ROS1: variants seen among roughly 807,000 people sequenced by gnomAD.
ROS1 encodes the protein ROS proto-oncogene 1, receptor tyrosine kinase.
ROS1 carries 263 observed loss-of-function variants against 273.5 expected under a neutral mutation model. The observed-to-expected ratio is 0.96, with a 90% CI of 0.87 to 1.06. The LOEUF (loss-of-function observed/expected upper bound fraction) is 1.06, where lower values mean the gene tolerates loss of function less well. ROS1 is among the 50% of genes least tolerant of loss of function. ROS1 has a pLI of 0.00. For missense variants in ROS1, 2,833 were observed against 2,751.1 expected, an observed-to-expected ratio of 1.03 and a Z score of -0.67; for synonymous variants, 1,008 against 954.1, an observed-to-expected ratio of 1.06 and a Z score of -1.04.
intron 4 of ROS1, 39 bp downstream of exon 4, chr6:117,414,480 T>A (rs761897014): frequency 1.3e-6 from 1 of 741,832 alleles, no homozygotes; most frequent in Non-Finnish European, 2.4e-6. Context: ...GATGAAGACA[T>A]GTGGCTTGAT....
intron 27 of ROS1, 57 bp from the exon 28 acceptor site, chr6:117,344,319 A>T (rs1270461346): frequency 1.6e-6 from 2 of 1,220,064 alleles, no homozygotes; most frequent in Non-Finnish European, 2.3e-6. Flanking sequence ...TGAGAGGAAA[A>T]GCAGATTTTT....
At chr6:117,421,528 G>A (rs1474673579) in intron 1 of ROS1, among the ~76,000 whole-genome samples, 1 of 151,848 alleles carries the variant, frequency 6.6e-6, no homozygotes, top group East Asian at 1.9e-4. Flanking sequence ...TTCTATTCCT[G>A]GCCAAATAAT....
At position 117,353,161 on chromosome 6, in the gene ROS1, T is replaced by A; in HGVS notation, c.4132A>T (p.Thr1378Ser). Reference sequence around the variant, plus strand: ...CCATCCACAGTTAAGCTAACAAGGGTTTTTCCTGCTGTTAAAAACATAAGG... The same window carrying A: ...CCATCCACAGTTAAGCTAACAAGGGATTTTCCTGCTGTTAAAAACATAAGG... ...VITVPAMLGK[T>S]LVSLTVDGDL... Residue 1378 changes from threonine to serine, a missense_variant, in exon 27 of 44, where the codon ACC becomes TCC. Coordinates refer to ENST00000368507, the MANE Select transcript of ROS1 (RefSeq NM_001378902.1). 1 of 1,601,848 alleles carries A rather than the reference T, an allele frequency of 6.2e-7. No individual in the cohort carries two copies. Among genetic ancestry groups the A allele is most frequent in the South Asian group, 1.1e-5 (1 of 88,260 alleles).
chr6:117,320,061 C>T lies in ROS1; in HGVS notation c.5760-31G>A, dbSNP rs778522157. On this transcript the variant is annotated intron_variant, in intron 36 of 43. Transcript: ENST00000368507. ...AAATAGCAACATTTTTGTCTCCCCACCCTCCACATATATAGGGTGTACAAG... is the reference window on the plus strand; with the variant it reads ...AAATAGCAACATTTTTGTCTCCCCATCCTCCACATATATAGGGTGTACAAG... 10 of 1,602,804 alleles carry T rather than the reference C, an allele frequency of 6.2e-6. No individual in the cohort carries two copies. In the South Asian group the frequency reaches 1.0e-4, roughly 16 times the overall value.
chr6:117,345,148 G>A (rs1778269801), intron 27 of ROS1, among the ~76,000 whole-genome samples: 1 of 152,194 alleles, frequency 6.6e-6, no homozygotes, highest in Non-Finnish European at 1.5e-5. Context: ...CGCATATCCA[G>A]TCTCTGCTAT....
intron 18 of ROS1, among the ~76,000 whole-genome samples, chr6:117,374,868 C>A (rs966115718): frequency 6.6e-6 from 1 of 152,194 alleles, no homozygotes; most frequent in African/African-American, 2.4e-5. Flanking sequence ...TAAACTAGTA[C>A]AACCACTATG....
intron 32 of ROS1, among the ~76,000 whole-genome samples, chr6:117,331,286 G>T (rs146939036): frequency 1.2e-4 from 19 of 152,112 alleles, no homozygotes; most frequent in African/African-American, 4.3e-4. Context: ...CTGACAAGAA[G>T]AGAGAAAAAA....
In ROS1 at chr6:117,341,448, G is replaced by A. The variant is rs1777914848; in HGVS notation, c.4836C>T (p.Leu1612=). The change falls in exon 30 of 44, where the codon CTC becomes CTT. Residue 1612 remains leucine, a synonymous_variant. Transcript: ENST00000368507. ...LRQSEFPNGR[L]TLLVTRLSGG... is the part of the protein sequence containing the mutation. ...CAGACAGTCTAGTAACAAGGAGAGT[G>A]AGCCTTCCATTTGGAAATTCACTTT... 3 of 1,613,892 alleles carry A rather than the reference G, an allele frequency of 1.9e-6. No homozygotes were observed. Among genetic ancestry groups the A allele is most frequent in the Non-Finnish European group, 2.5e-6 (3 of 1,179,834 alleles).
At chr6:117,301,703 G>T (rs1309748249) in intron 42 of ROS1, 1 of 152,190 alleles carries the variant, frequency 6.6e-6, no homozygotes, top group African/African-American at 2.4e-5. Context: ...CAATCATAAT[G>T]TATCAACACA....
rs1378760239 is a variant in ROS1, at chr6:117,394,719, C to A, written c.903G>T (p.Trp301Cys). ...SSSAVQQEEQ[W>C]LFLSRKTSLR... ...GAGAAGTTTTTCTGGATAAAAAGAGCCACTGTTCCTCTTGTTGAACTGAAA... is the reference window on the plus strand; with the variant it reads ...GAGAAGTTTTTCTGGATAAAAAGAGACACTGTTCCTCTTGTTGAACTGAAA... The change falls in exon 10 of 44, where the codon TGG (tryptophan) becomes TGT (cysteine). Residue 301 changes from tryptophan (W) to cysteine (C), a missense_variant. By Grantham distance (215) the Trp-to-Cys change is radical. Transcript: ENST00000368507. 1 of 1,609,612 alleles carries A rather than the reference C, an allele frequency of 6.2e-7. No homozygotes were observed. The highest frequency in any genetic ancestry group is 8.5e-7 in the Non-Finnish European group (1 of 1,178,052).
intron 39 of ROS1, among the ~76,000 whole-genome samples, chr6:117,315,386 A>G (rs1325331238): frequency 6.6e-6 from 1 of 152,172 alleles, no homozygotes; most frequent in Non-Finnish European, 1.5e-5. Flanking sequence ...GAAGGGAATG[A>G]TTAGCAAAGC....
rs2128521342 is a variant in ROS1, at chr6:117,288,776, T to A, written c.6742A>T (p.Asn2248Tyr). The A allele has an allele frequency of 6.2e-7, 1 of 1,603,762 alleles. No individual in the cohort carries two copies. The highest frequency in any genetic ancestry group is 8.5e-7 in the Non-Finnish European group (1 of 1,175,268). ...EGEDGDVICL[N>Y]SDDIMPVALM... ...GCAACTGGCATAATGTCATCTGAATTCAAACAAATCACATCGCCATCTTCA... is the reference window on the plus strand; with the variant it reads ...GCAACTGGCATAATGTCATCTGAATACAAACAAATCACATCGCCATCTTCA... Residue 2248 changes from asparagine to tyrosine, a missense_variant, in exon 44 of 44, where the codon AAT (asparagine) becomes TAT (tyrosine). Asn to Tyr is a moderately radical substitution (Grantham distance 143, BLOSUM62 -2). Coordinates refer to ENST00000368507, the MANE Select transcript of ROS1 (RefSeq NM_001378902.1).
At chr6:117,379,308 C>G in intron 17 of ROS1, 149 bp from the exon 18 acceptor site, 1 of 590,150 alleles carries the variant, frequency 1.7e-6, no homozygotes, top group Non-Finnish European at 3.0e-6. Flanking sequence ...GACTATAAAA[C>G]TTATATGATT....
chr6:117,396,257 T>G lies in ROS1; in HGVS notation c.814A>C (p.Ile272Leu), dbSNP rs1269992033. The G allele has an allele frequency of 2.5e-6, 4 of 1,612,588 alleles. No homozygotes were observed. The African/African-American group carries it at 5.3e-5, about 22-fold the overall frequency. The change falls in exon 9 of 44, where the codon ATT becomes CTT. Residue 272 changes from isoleucine (I) to leucine (L), a missense_variant. Transcript: ENST00000368507. ...TCACCAACTTCATTTACTGCTGCAA[T>G]AGAAAACCTATTCCAAAAACAATTT... ...TLPNTIYRFS[I>L]AAVNEVGEGP... is the part of the protein sequence containing the mutation.
chr6:117,412,769 A>G (rs989683660), intron 4 of ROS1, among the ~76,000 whole-genome samples: 8 of 152,194 alleles, frequency 5.3e-5, no homozygotes, highest in African/African-American at 1.9e-4. Flanking sequence ...ACACTATATA[A>G]TCACAGAAAA....
At chr6:117,337,863 A>G (rs1000154) in intron 31 of ROS1, among the ~76,000 whole-genome samples, 30,495 of 152,064 alleles carry the variant, frequency 0.2, 3,118 homozygotes, top group South Asian at 0.26. Flanking sequence ...ATGTAAACAG[A>G]ATTCTTTATT....
chr6:117,321,920 C>T (rs531430605), intron 35 of ROS1, among the ~76,000 whole-genome samples: 82 of 142,722 alleles, frequency 5.7e-4, no homozygotes, highest in African/African-American at 1.6e-3. Flanking sequence ...AGTATTGGAA[C>T]GAAGCTTACC....
intron 39 of ROS1, among the ~76,000 whole-genome samples, chr6:117,315,318 G>A (rs1775841956): frequency 6.6e-6 from 1 of 152,058 alleles, no homozygotes; most frequent in African/African-American, 2.4e-5. Context: ...CAAAGAAATA[G>A]AGGGAATAAG....
chr6:117,326,546 T>G, intron 33 of ROS1, 132 bp from the exon 34 acceptor site: 1 of 559,262 alleles, frequency 1.8e-6, no homozygotes, highest in Non-Finnish European at 3.0e-6. Context: ...CTCATTCCTC[T>G]CCCATAATCT....
Sources: allele counts gnomAD v4.1 joint callset (sites outside exome capture counted in the v4.1 genomes callset), GRCh38; gene constraint gnomAD v4.1.1; transcripts MANE v1.5; gene names NCBI Gene and HGNC (gene_info 2026-07-23, HGNC 2026-07-21).